SPAG16: variants seen among roughly 807,000 people sequenced by gnomAD.
The protein encoded by SPAG16 is sperm associated antigen 16, also known as sperm-associated antigen 16 protein.
A neutral mutation model predicts 80.4 loss-of-function variants in SPAG16; 86 were observed. The observed-to-expected ratio is 1.07, with a 90% CI of 0.90 to 1.28. SPAG16 has a LOEUF of 1.28. SPAG16 is among the 50% of genes most tolerant of loss of function. SPAG16 has a pLI of 0.00. For missense variants in SPAG16, 870 were observed against 765.3 expected (o/e 1.14, Z -1.61); for synonymous variants, 294 against 265.9 (o/e 1.11, Z -1.03).
rs539761741 is a variant in SPAG16, at chr2:213,778,346, T to C, written c.1071-84139T>C. ...AGAATTGACACCTGAAAACCTGCTA[T>C]TGAGGATAAAAGAAAGGGGAACACA... is the stretch of plus-strand genomic sequence containing the variant. On this transcript the variant is annotated intron_variant, in intron 10 of 15. Transcript: ENST00000331683. Among the ~76,000 whole-genome samples the C allele has an allele frequency of 1.6e-4, 25 of 152,284 alleles. 2 individuals are homozygous for C. The highest frequency in any genetic ancestry group is 6.0e-4 in the African/African-American group (25 of 41,572).
At chr2:213,320,017 A>T (rs1424366207) in intron 5 of SPAG16, among the ~76,000 whole-genome samples, 1 of 151,952 alleles carries the variant, frequency 6.6e-6, no homozygotes, top group Non-Finnish European at 1.5e-5. Flanking sequence ...GCTTTACTCT[A>T]CTTGACATGG....
At chr2:214,131,662 T>C (rs2054789147) in intron 14 of SPAG16, among the ~76,000 whole-genome samples, 1 of 151,870 alleles carries the variant, frequency 6.6e-6, no homozygotes, top group Non-Finnish European at 1.5e-5. Flanking sequence ...TGAAAAGAGA[T>C]GGCATAAACT....
chr2:214,397,782 ATTTC>A (rs1157011933), intron 15 of SPAG16, among the ~76,000 whole-genome samples: 2 of 152,188 alleles, frequency 1.3e-5, no homozygotes, highest in African/African-American at 4.8e-5. Context: ...GTGGCTTATT[ATTTC>A]TTTGTTTTCT....
At chr2:213,461,499 A>C (rs1312324132) in intron 9 of SPAG16, among the ~76,000 whole-genome samples, 1 of 152,208 alleles carries the variant, frequency 6.6e-6, no homozygotes, top group Non-Finnish European at 1.5e-5. Flanking sequence ...TTTGTTAAGC[A>C]GGGAGACATA....
At chr2:213,615,281 C>T (rs1176454994) in intron 10 of SPAG16, among the ~76,000 whole-genome samples, 2 of 152,170 alleles carry the variant, frequency 1.3e-5, no homozygotes, top group Admixed American at 1.3e-4. Context: ...AGATTTTGCT[C>T]ATTGTAGCTG....
intron 12 of SPAG16, among the ~76,000 whole-genome samples, chr2:213,966,982 A>C (rs1025147802): frequency 1.3e-5 from 2 of 152,202 alleles, no homozygotes; most frequent in African/African-American, 2.4e-5. Flanking sequence ...GGTCACATGC[A>C]GCTCTGAGAG....
intron 15 of SPAG16, among the ~76,000 whole-genome samples, chr2:214,212,628 G>A (rs1314848579): frequency 1.3e-5 from 2 of 152,112 alleles, no homozygotes; most frequent in African/African-American, 4.8e-5. Context: ...GGCTCCAGAA[G>A]GGCAGACTAA....
chr2:213,836,850 G>T (rs1164303346), intron 10 of SPAG16, among the ~76,000 whole-genome samples: 1 of 152,128 alleles, frequency 6.6e-6, no homozygotes, highest in Non-Finnish European at 1.5e-5. Context: ...CTGACCTCAG[G>T]TGATCCCCCG....
At chr2:213,789,602 A>G (rs1461249387) in intron 10 of SPAG16, among the ~76,000 whole-genome samples, 1 of 151,974 alleles carries the variant, frequency 6.6e-6, no homozygotes, top group Non-Finnish European at 1.5e-5. Flanking sequence ...CCAGCACAAC[A>G]TTCAACATTT....
chr2:213,453,264 C>T (rs1392633362), intron 9 of SPAG16, among the ~76,000 whole-genome samples: 1 of 152,064 alleles, frequency 6.6e-6, no homozygotes, highest in Non-Finnish European at 1.5e-5. Flanking sequence ...TTTCTCTAAC[C>T]TCTCATAGTG....
chr2:214,392,063 T>C (rs887809764), intron 15 of SPAG16, among the ~76,000 whole-genome samples: 8 of 152,180 alleles, frequency 5.3e-5, no homozygotes, highest in African/African-American at 1.9e-4. Flanking sequence ...ACAAGATTCA[T>C]TGCTGAAGAA....
intron 15 of SPAG16, among the ~76,000 whole-genome samples, chr2:214,163,470 G>T (rs1303705631): frequency 6.6e-6 from 1 of 150,754 alleles, no homozygotes; most frequent in Non-Finnish European, 1.5e-5. Context: ...TTTTGTATTG[G>T]TCAGTATTCT....
intron 8 of SPAG16, among the ~76,000 whole-genome samples, chr2:213,373,822 T>C (rs2066760783): frequency 6.6e-6 from 1 of 152,222 alleles, no homozygotes; most frequent in Non-Finnish European, 1.5e-5. Context: ...TTTAGAATAG[T>C]GGACATTATA....
chr2:213,748,204 G>C (rs2067920201), intron 10 of SPAG16, among the ~76,000 whole-genome samples: 1 of 152,040 alleles, frequency 6.6e-6, no homozygotes, highest in East Asian at 1.9e-4. Flanking sequence ...GAAAAATAGA[G>C]TTGTTTTCCT....
chr2:214,171,606 ACTTTT>A (rs2056869915), intron 15 of SPAG16, among the ~76,000 whole-genome samples: 1 of 152,050 alleles, frequency 6.6e-6, no homozygotes, highest in South Asian at 2.1e-4. Context: ...TTTCTCAGCA[ACTTTT>A]CTTTGCTTTT....
chr2:213,901,712 A>G lies in SPAG16; in HGVS notation c.1215-28248A>G, dbSNP rs76778253. On this transcript the variant is annotated intron_variant, in intron 11 of 15. Coordinates refer to ENST00000331683, the MANE Select transcript of SPAG16 (RefSeq NM_024532.5). ...GGAATAAATTCATAAATTAAAAAATACAATAATCTATAGCACAGCATCTAT... is the reference window on the plus strand; with the variant it reads ...GGAATAAATTCATAAATTAAAAAATGCAATAATCTATAGCACAGCATCTAT... 2.6e-4 allele frequency among the ~76,000 whole-genome samples: 40 copies of G among 152,276 alleles called. No individual in the cohort carries two copies. The East Asian group carries it at 7.3e-3, about 28-fold the overall frequency.
At position 213,802,952 on chromosome 2, in the gene SPAG16, A is replaced by G. The variant is rs553380403; in HGVS notation, c.1071-59533A>G. Among the ~76,000 whole-genome samples, 55 of 152,318 alleles carry G rather than the reference A, an allele frequency of 3.6e-4. 1 individual carries two copies. The highest frequency in any genetic ancestry group is 1.3e-3 in the African/African-American group (53 of 41,582). On this transcript the variant is annotated intron_variant, in intron 10 of 15. Coordinates refer to ENST00000331683, the MANE Select transcript of SPAG16 (RefSeq NM_024532.5). ...ATAAAAATTATTCTGGGCAGCTACC[A>G]TAACTGAATAGGTAGTAATTGGTCT... is the stretch of plus-strand genomic sequence containing the variant.
intron 10 of SPAG16, among the ~76,000 whole-genome samples, chr2:213,815,844 T>G (rs923943707): frequency 1.3e-5 from 2 of 152,168 alleles, no homozygotes; most frequent in African/African-American, 2.4e-5. Context: ...GTAACTTTTT[T>G]CAATAGTAGA....
chr2:213,295,755 G>GT (rs1184759263), intron 1 of SPAG16, among the ~76,000 whole-genome samples: 14 of 152,104 alleles, frequency 9.2e-5, no homozygotes, highest in African/African-American at 2.6e-4. Flanking sequence ...ATGATATTAT[G>GT]TATATTTTCA....
Sources: gnomAD v4.1 joint callset for allele counts (sites outside exome capture counted in the v4.1 genomes callset) on GRCh38, gnomAD v4.1.1 for gene constraint, MANE v1.5 for transcripts, NCBI Gene and HGNC (gene_info 2026-07-23, HGNC 2026-07-21) for gene names.